HSD17B7: variants seen among roughly 807,000 people sequenced by gnomAD.
HSD17B7 encodes 3-keto-steroid reductase/17-beta-hydroxysteroid dehydrogenase 7.
HSD17B7 carries 17 observed loss-of-function variants against 34.1 expected under a neutral mutation model. That is an observed-to-expected ratio of 0.50 (90% CI 0.34 to 0.75). The LOEUF (loss-of-function observed/expected upper bound fraction) is 0.75, where lower values mean the gene tolerates loss of function less well. HSD17B7 is among the 30% of genes least tolerant of loss of function. The pLI is 0.01. For missense variants in HSD17B7, 296 were observed against 406.6 expected (o/e 0.73, Z 2.34); for synonymous variants, 122 against 154.6 (o/e 0.79, Z 1.56).
intron 8 of HSD17B7, among the ~76,000 whole-genome samples, chr1:162,808,412 G>T (rs1457881692): frequency 6.6e-6 from 1 of 152,150 alleles, no homozygotes; most frequent in Non-Finnish European, 1.5e-5. Flanking sequence ...GATGCCTCCA[G>T]CTTTGTTCTT....
intron 4 of HSD17B7, chr1:162,798,881 C>A (rs543684042): frequency 1.3e-4 from 35 of 275,852 alleles, no homozygotes; most frequent in African/African-American, 7.4e-4. Flanking sequence ...GTAATCCCAG[C>A]TGCTTGGGAG....
At position 162,799,640 on chromosome 1, in the gene HSD17B7, A is replaced by T. The variant is rs1051983170; in HGVS notation, c.448-103A>T. On this transcript the variant is annotated intron_variant, in intron 4 of 8. Coordinates refer to ENST00000254521, the MANE Select transcript of HSD17B7 (RefSeq NM_016371.4). ...TCTTTTAGATAACTAGTTAATACTG[A>T]TGTCTCTGACCCTAATCTCTTACCA... 10 of 677,672 alleles carry T rather than the reference A, an allele frequency of 1.5e-5. No individual in the cohort carries two copies. In the African/African-American group the frequency reaches 1.6e-4, roughly 11 times the overall value. 42.0% of individuals were successfully genotyped at this position (677,672 alleles called of 1,614,324 possible).
At chr1:162,792,904 G>A (rs1163503791) in intron 2 of HSD17B7, 42 bp downstream of exon 2, 5 of 1,575,380 alleles carry the variant, frequency 3.2e-6, no homozygotes, top group Non-Finnish European at 4.4e-6. Flanking sequence ...ATGTGATTGT[G>A]CAGCATAACA....
intron 8 of HSD17B7, among the ~76,000 whole-genome samples, chr1:162,811,873 G>T (rs190379143): frequency 6.6e-6 from 1 of 152,196 alleles, no homozygotes; most frequent in South Asian, 2.1e-4. Context: ...CTGAAGTATC[G>T]TCTTATATCC....
At chr1:162,805,587 T>C in intron 8 of HSD17B7, 95 bp downstream of exon 8, 4 of 1,527,436 alleles carry the variant, frequency 2.6e-6, no homozygotes, top group Non-Finnish European at 3.5e-6. Context: ...CAGCTTCGCT[T>C]CTCTGGGTAC....
intron 8 of HSD17B7, among the ~76,000 whole-genome samples, chr1:162,805,941 G>A (rs758486700): frequency 6.0e-4 from 91 of 152,142 alleles, no homozygotes; most frequent in Non-Finnish European, 1.1e-3. Context: ...GTTGCAAGTT[G>A]AATGAAATAT....
At chr1:162,810,105 C>G (rs985846019) in intron 8 of HSD17B7, among the ~76,000 whole-genome samples, 13 of 152,202 alleles carry the variant, frequency 8.5e-5, no homozygotes, top group Admixed American at 4.6e-4. Context: ...AAATTTCACT[C>G]TACACACTGC....
chr1:162,798,235 A>C (rs1013227982), intron 4 of HSD17B7: 1 of 285,944 alleles, frequency 3.5e-6, no homozygotes, highest in Non-Finnish European at 6.2e-6. Context: ...ATTTGTCAAA[A>C]TAGATGAATC....
chr1:162,800,186 A>G (rs1648760126), intron 5 of HSD17B7: 7 of 637,550 alleles, frequency 1.1e-5, no homozygotes, highest in Non-Finnish European at 2.1e-5. Flanking sequence ...GATAATAGCT[A>G]CTGTGTTGGT....
At chr1:162,807,281 TGTC>T (rs1649015630) in intron 8 of HSD17B7, among the ~76,000 whole-genome samples, 2 of 152,248 alleles carry the variant, frequency 1.3e-5, no homozygotes, top group South Asian at 4.1e-4. Context: ...GCTTCATCCA[TGTC>T]CCTACAAAGG....
At chr1:162,800,684 G>A (rs1648781012) in intron 5 of HSD17B7, among the ~76,000 whole-genome samples, 1 of 152,148 alleles carries the variant, frequency 6.6e-6, no homozygotes, top group Non-Finnish European at 1.5e-5. Flanking sequence ...CTTCGCCTTG[G>A]ACATTTTCTT....
chr1:162,802,085 A>G (rs1246296525), intron 5 of HSD17B7, among the ~76,000 whole-genome samples: 5 of 152,108 alleles, frequency 3.3e-5, no homozygotes, highest in Non-Finnish European at 5.9e-5. Context: ...GTCAGGTTCT[A>G]TATAGACTGC....
chr1:162,802,294 A>G (rs540258277), intron 5 of HSD17B7, among the ~76,000 whole-genome samples: 8 of 152,322 alleles, frequency 5.3e-5, no homozygotes, highest in African/African-American at 1.7e-4. Context: ...TAGTTTGAAG[A>G]TTTCTTCGTT....
chr1:162,806,277 G>T (rs1461084557), intron 8 of HSD17B7, among the ~76,000 whole-genome samples: 3 of 152,140 alleles, frequency 2.0e-5, no homozygotes, highest in Non-Finnish European at 4.4e-5. Context: ...AGATTGAGGT[G>T]ACTGTTATCG....
intron 6 of HSD17B7, among the ~76,000 whole-genome samples, chr1:162,803,834 A>C (rs570500836): frequency 2.0e-5 from 3 of 152,340 alleles, no homozygotes; most frequent in African/African-American, 7.2e-5. Context: ...GTTAAACTGG[A>C]CTTCTCTAAG....
At chr1:162,808,903 G>A (rs1257821821) in intron 8 of HSD17B7, among the ~76,000 whole-genome samples, 1 of 152,208 alleles carries the variant, frequency 6.6e-6, no homozygotes, top group Admixed American at 6.5e-5. Flanking sequence ...ATACAATCAT[G>A]TAATTTGCAA....
Position 162,812,496 on chromosome 1 carries a change from G to A in HSD17B7, c.*76G>A, listed in dbSNP as rs1571014176. On this transcript the variant is annotated 3_prime_UTR_variant, in exon 9 of 9. Coordinates refer to ENST00000254521, the MANE Select transcript of HSD17B7 (RefSeq NM_016371.4). ...TCAAGACCAGCCTGAGAAACATAGT[G>A]AGCCCTTGTCTCTACAAAAAGAAAT... The A allele has an allele frequency of 7.4e-7, 1 of 1,346,962 alleles. No individual in the cohort carries two copies. Among genetic ancestry groups the A allele is most frequent in the East Asian group, 2.5e-5 (1 of 40,112 alleles). The allele number at this position is 1,346,962 out of a possible 1,614,324, so 83.4% of individuals were successfully genotyped here.
rs752373083 is a variant in HSD17B7 at position 162,792,705 on chromosome 1, G to A, written c.82G>A (p.Glu28Lys). 2.5e-6 allele frequency: 4 copies of A among 1,613,932 alleles called. No individual in the cohort carries two copies. The African/African-American group carries it at 4.0e-5, about 16-fold the overall frequency. The part of the protein sequence containing the change: ...LCKRLLAEDD[E>K]LHLCLACRNM... ...CAAGCGGCTGCTGGCGGAAGATGATGAGCTTCATCTGTGTTTGGCGTGCAG... is the reference window on the plus strand; with the variant it reads ...CAAGCGGCTGCTGGCGGAAGATGATAAGCTTCATCTGTGTTTGGCGTGCAG... The change falls in exon 2 of 9, where the codon GAG (glutamate) becomes AAG (lysine). Residue 28 changes from glutamate (E) to lysine (K), a missense_variant. Glu to Lys is a moderately conservative substitution (Grantham distance 56). Transcript: ENST00000254521.
intron 8 of HSD17B7, among the ~76,000 whole-genome samples, chr1:162,807,361 T>A (rs573252896): frequency 5.2e-4 from 80 of 152,384 alleles, no homozygotes; most frequent in African/African-American, 1.9e-3. Context: ...ATTTTCTTAA[T>A]CCAGTCTATC....
Sources: allele counts gnomAD v4.1 joint callset (sites outside exome capture counted in the v4.1 genomes callset), GRCh38; gene constraint gnomAD v4.1.1; transcripts MANE v1.5; gene names NCBI Gene and HGNC (gene_info 2026-07-23, HGNC 2026-07-21).